ANO2: variants seen among roughly 807,000 people sequenced by gnomAD.
ANO2 encodes anoctamin 2.
A neutral mutation model predicts 124.2 loss-of-function variants in ANO2; 101 were observed. The ratio of observed to expected loss-of-function variants is 0.81; its 90% CI spans 0.69 to 0.96. The LOEUF (loss-of-function observed/expected upper bound fraction) is 0.96, where lower values mean the gene tolerates loss of function less well. Ranked by LOEUF, ANO2 falls within the 40% of genes least tolerant of loss-of-function variation. The pLI is 0.00. For synonymous variants in ANO2, 486 were observed against 482.5 expected (o/e 1.01, Z -0.09); for missense variants, 1,293 against 1,274.5 (o/e 1.01, Z -0.22).
intron 1 of ANO2, among the ~76,000 whole-genome samples, chr12:5,933,835 C>A (rs923616769): frequency 3.9e-5 from 6 of 152,112 alleles, no homozygotes; most frequent in Admixed American, 6.5e-5. Flanking sequence ...TAAGTCATAC[C>A]CAGGTAAAGT....
At chr12:5,644,839 C>A (rs2136952280) in intron 15 of ANO2, among the ~76,000 whole-genome samples, 1 of 152,214 alleles carries the variant, frequency 6.6e-6, no homozygotes, top group Admixed American at 6.5e-5. Flanking sequence ...GCATAGAATT[C>A]TTAGTTAGAA....
chr12:5,842,417 G>A (rs561854992), intron 4 of ANO2, among the ~76,000 whole-genome samples: 6 of 152,264 alleles, frequency 3.9e-5, no homozygotes, highest in Admixed American at 6.5e-5. Context: ...AGCAAAGGAC[G>A]CAGATCAGGG....
chr12:5,913,073 G>A (rs752849398), intron 3 of ANO2, among the ~76,000 whole-genome samples: 4 of 152,106 alleles, frequency 2.6e-5, no homozygotes, highest in African/African-American at 7.2e-5. Context: ...ACCACGCCCC[G>A]ATCCAGCACC....
chr12:5,827,774 G>T lies in ANO2; in HGVS notation c.887C>A (p.Thr296Lys). ...CCGCGGGCTGGGGTCCTTACCCATC[G>T]TGTTGTTGGCTCGGGAGCAGGCTGT... is the stretch of plus-strand genomic sequence containing the variant. Reference protein sequence around the residue: ...KRTACSRANNTMGINSLIANN... With the variant: ...KRTACSRANNKMGINSLIANN... The change falls in exon 7 of 25, where the codon ACG becomes AAG. Residue 296 changes from threonine (T) to lysine (K), a missense_variant. Transcript: ENST00000682330. 1.2e-6 allele frequency: 2 copies of T among 1,611,220 alleles called. No homozygotes were observed. Among genetic ancestry groups the T allele is most frequent in the Non-Finnish European group, 1.7e-6 (2 of 1,178,896 alleles).
intron 3 of ANO2, among the ~76,000 whole-genome samples, chr12:5,881,597 C>T (rs898447324): frequency 4.6e-5 from 7 of 152,202 alleles, no homozygotes; most frequent in Non-Finnish European, 8.8e-5. Context: ...GGATGCAAGG[C>T]ATCATGCTAA....
At chr12:5,690,442 G>A (rs956769896) in intron 14 of ANO2, among the ~76,000 whole-genome samples, 11 of 152,166 alleles carry the variant, frequency 7.2e-5, no homozygotes, top group African/African-American at 2.2e-4. Flanking sequence ...CAAAGCTCTT[G>A]GCCAGCTTCA....
intron 3 of ANO2, among the ~76,000 whole-genome samples, chr12:5,905,919 C>T (rs556081634): frequency 2.8e-4 from 43 of 152,312 alleles, no homozygotes; most frequent in Middle Eastern, 3.4e-3. Flanking sequence ...TCTCTCTCAC[C>T]TTCTCTCCCC....
rs752172270 is a variant in ANO2, at chr12:5,807,351, C to T, written c.910G>A (p.Ala304Thr). The T allele has an allele frequency of 1.1e-5, 17 of 1,556,412 alleles. No individual in the cohort carries two copies. Among genetic ancestry groups the T allele is most frequent in the South Asian group, 4.8e-5 (4 of 83,950 alleles). ...TAGGCAGCCTCATAGATATTGTTTG[C>T]GATCAGAGAGTTAATACCTACGGAA... ...NNTMGINSLIANNIYEAAYPL... is the reference protein window; with the variant it reads ...NNTMGINSLITNNIYEAAYPL... The change falls in exon 8 of 25, where the codon GCA becomes ACA. Residue 304 changes from alanine to threonine, a missense_variant. Transcript: ENST00000682330.
Position 5,900,675 on chromosome 12 carries a change from A to T in ANO2, c.534+20365T>A, listed in dbSNP as rs1940132210. Among the ~76,000 whole-genome samples, 1 of 151,930 alleles carries T rather than the reference A, an allele frequency of 6.6e-6. No homozygotes were observed. The highest frequency in any genetic ancestry group is 2.1e-4 in the South Asian group (1 of 4,826). On this transcript the variant is annotated intron_variant, in intron 3 of 24. Coordinates refer to ENST00000682330, the MANE Select transcript of ANO2 (RefSeq NM_001364791.2). This position sits in a 1 kb window ranked among gnomAD's most constrained non-coding sequence, Gnocchi z 4.2. ...CGTGTGGTCCCTGCCATCCTGGCACAGCCTGACCACAATCCCCTTCCCCAT... is the reference window on the plus strand; with the variant it reads ...CGTGTGGTCCCTGCCATCCTGGCACTGCCTGACCACAATCCCCTTCCCCAT...
At chr12:5,596,917 CTATTA>C (rs975699766) in intron 20 of ANO2, among the ~76,000 whole-genome samples, 4 of 152,026 alleles carry the variant, frequency 2.6e-5, no homozygotes, top group African/African-American at 9.7e-5. Context: ...CCTGACAATC[CTATTA>C]TATTATTATC....
chr12:5,610,983 T>TTTTTTTTCTTTTTTTTTTG (rs1555100751), intron 19 of ANO2, among the ~76,000 whole-genome samples: 1 of 121,658 alleles, frequency 8.2e-6, no homozygotes, highest in African/African-American at 3.1e-5. Context: ...TTTTTTTTTT[T>TTTTTTTTCTTTTTTTTTTG]TTTTTTGAGA....
At chr12:5,791,089 T>C (rs1158872650) in intron 10 of ANO2, among the ~76,000 whole-genome samples, 2 of 152,092 alleles carry the variant, frequency 1.3e-5, no homozygotes. Flanking sequence ...AAGCAGGCCC[T>C]CTACAAGCTC....
intron 10 of ANO2, among the ~76,000 whole-genome samples, chr12:5,765,796 G>C (rs530040071): frequency 2.0e-5 from 3 of 152,282 alleles, no homozygotes; most frequent in Admixed American, 2.0e-4. Flanking sequence ...AATGGGAACA[G>C]ATATTTGCAT....
intron 1 of ANO2, among the ~76,000 whole-genome samples, chr12:5,924,342 G>T (rs950487129): frequency 6.6e-6 from 1 of 152,216 alleles, no homozygotes; most frequent in Admixed American, 6.5e-5. Context: ...GCAGAGGAAA[G>T]CTTTCATCAT....
At position 5,673,518 on chromosome 12, in the gene ANO2, C is replaced by T. The variant is rs56070074; in HGVS notation, c.1546-25717G>A. On this transcript the variant is annotated intron_variant, in intron 14 of 24. Transcript: ENST00000682330. ...AGATCACGGAAAGGTAAACTTTGAGCCCTTTGCTCTTTAAGTGAATAAAAT... is the reference window on the plus strand; with the variant it reads ...AGATCACGGAAAGGTAAACTTTGAGTCCTTTGCTCTTTAAGTGAATAAAAT... Among the ~76,000 whole-genome samples the T allele has an allele frequency of 2.4e-3, 369 of 152,278 alleles. 3 individuals are homozygous for T. The highest frequency in any genetic ancestry group is 8.5e-3 in the African/African-American group (352 of 41,540).
intron 7 of ANO2, among the ~76,000 whole-genome samples, chr12:5,808,573 G>A (rs187660606): frequency 5.3e-5 from 8 of 152,158 alleles, no homozygotes; most frequent in South Asian, 2.1e-4. Context: ...CCCTTGTCTC[G>A]CACTTACTTT....
At chr12:5,724,845 G>T (rs1460167748) in intron 14 of ANO2, among the ~76,000 whole-genome samples, 1 of 152,022 alleles carries the variant, frequency 6.6e-6, no homozygotes, top group Admixed American at 6.6e-5. Context: ...ATATGTAGGT[G>T]ACAAGTTCCA....
chr12:5,880,460 C>A (rs542135446), intron 3 of ANO2, among the ~76,000 whole-genome samples: 1 of 151,780 alleles, frequency 6.6e-6, no homozygotes, highest in South Asian at 2.1e-4. Context: ...AGACAGAACT[C>A]TGAGAACACT....
intron 1 of ANO2, among the ~76,000 whole-genome samples, chr12:5,923,228 G>C (rs1042803331): frequency 2.3e-4 from 17 of 72,822 alleles, no homozygotes; most frequent in South Asian, 6.1e-4. Flanking sequence ...ACACACACAT[G>C]CACACATACA....
Sources: gnomAD v4.1 joint callset for allele counts (sites outside exome capture counted in the v4.1 genomes callset) on GRCh38, gnomAD v4.1.1 for gene constraint, Gnocchi (gnomAD v3.1) non-coding constraint, MANE v1.5 for transcripts, NCBI Gene and HGNC (gene_info 2026-07-23, HGNC 2026-07-21) for gene names.